Variants in NOX4 observed in about 807,000 individuals in gnomAD.
NOX4 encodes NADPH oxidase 4, also known as kidney oxidase-1.
A neutral mutation model predicts 87.6 loss-of-function variants in NOX4; 69 were observed. The observed-to-expected ratio is 0.79, with a 90% confidence interval of 0.65 to 0.96. NOX4 has a LOEUF of 0.96. Among genes scored for constraint, NOX4 ranks in the 40% least tolerant of loss-of-function variants. The probability of loss-of-function intolerance (pLI) is 0.00; values close to 1 mark genes in which losing one functional copy is unlikely to be tolerated. For synonymous variants in NOX4, 275 were observed against 238.2 expected, an observed-to-expected ratio of 1.15 and a Z score of -1.42; for missense variants, 680 against 681.5, an observed-to-expected ratio of 1.00 and a Z score of 0.02.
At chr11:89,491,521 C>T (rs1946857459), upstream of NOX4, 3 of 455,372 alleles carry the variant, frequency 6.6e-6, no homozygotes, top group East Asian at 1.1e-4. Flanking sequence ...GCGCGCGGCC[C>T]AGGCTGCACC....
chr11:89,447,998 G>T (rs1020400964), intron 4 of NOX4, among the ~76,000 whole-genome samples: 1 of 152,120 alleles, frequency 6.6e-6, no homozygotes, highest in East Asian at 1.9e-4. Context: ...GGCAATAGCT[G>T]TATCAAAACA....
the NOX4 span, among the ~76,000 whole-genome samples, chr11:89,525,458 T>A: frequency 6.6e-6 from 1 of 152,070 alleles, no homozygotes; most frequent in East Asian, 1.9e-4. Flanking sequence ...ATGCAATGTA[T>A]CTCATTTGCA....
chr11:89,418,516 A>C, intron 8 of NOX4, among the ~76,000 whole-genome samples: 1 of 150,976 alleles, frequency 6.6e-6, no homozygotes, highest in Non-Finnish European at 1.5e-5. Context: ...GTAAAAGAGA[A>C]GCATTCAATT....
chr11:89,428,608 C>G (rs375274606), intron 7 of NOX4, among the ~76,000 whole-genome samples: 26 of 151,712 alleles, frequency 1.7e-4, no homozygotes, highest in Admixed American at 3.3e-4. Context: ...AAGATCAAAA[C>G]AGACAAAGAA....
At chr11:89,383,409 C>T (rs529794845) in intron 11 of NOX4, among the ~76,000 whole-genome samples, 1 of 152,314 alleles carries the variant, frequency 6.6e-6, no homozygotes, top group South Asian at 2.1e-4. Context: ...TGGCCCAAGG[C>T]CCTCTGACTG....
intron 11 of NOX4, among the ~76,000 whole-genome samples, chr11:89,376,878 T>C (rs553855169): frequency 6.6e-5 from 10 of 151,862 alleles, no homozygotes; most frequent in African/African-American, 2.2e-4. Flanking sequence ...CGAGACTCCA[T>C]CTCAAAAAAT....
At chr11:89,341,271 C>G (rs1286288236) in intron 14 of NOX4, among the ~76,000 whole-genome samples, 1 of 151,290 alleles carries the variant, frequency 6.6e-6, no homozygotes, top group Non-Finnish European at 1.5e-5. Context: ...TACAGGCATG[C>G]AAAACCACGC....
chr11:89,542,554 C>G, the NOX4 span, among the ~76,000 whole-genome samples: 1 of 152,146 alleles, frequency 6.6e-6, no homozygotes, highest in East Asian at 1.9e-4. Flanking sequence ...CAGATTCTGT[C>G]CGGAATACAA....
At chr11:89,339,700 G>T (rs1166541385) in intron 15 of NOX4, among the ~76,000 whole-genome samples, 2 of 152,100 alleles carry the variant, frequency 1.3e-5, no homozygotes, top group African/African-American at 4.8e-5. Context: ...AGGATGGAAG[G>T]TGTTACAGCA....
chr11:89,466,590 G>A (rs889212961), intron 2 of NOX4, among the ~76,000 whole-genome samples: 7 of 152,136 alleles, frequency 4.6e-5, no homozygotes, highest in African/African-American at 1.4e-4. Context: ...CATATTTATT[G>A]TAATCGGCAC....
intron 12 of NOX4, among the ~76,000 whole-genome samples, chr11:89,368,728 T>G (rs1313102942): frequency 5.3e-5 from 8 of 152,054 alleles, no homozygotes; most frequent in African/African-American, 1.4e-4. Context: ...ATTCACACCA[T>G]GGGAATGATG....
chr11:89,473,552 T>C (rs1946038671), intron 2 of NOX4, among the ~76,000 whole-genome samples: 3 of 152,112 alleles, frequency 2.0e-5, no homozygotes, highest in Admixed American at 2.0e-4. Context: ...TGATATATAT[T>C]AAAACTCATA....
intron 11 of NOX4, among the ~76,000 whole-genome samples, chr11:89,392,630 C>A (rs1279516115): frequency 6.6e-6 from 1 of 152,000 alleles, no homozygotes; most frequent in Non-Finnish European, 1.5e-5. Context: ...TATTGATGAA[C>A]GTGTTAGAGT....
rs1332348150 is a variant in NOX4 at position 89,332,664 on chromosome 11, G to C, written c.1616+3181C>G. On this transcript the variant is annotated intron_variant, in intron 17 of 17. Transcript: ENST00000263317. The stretch of plus-strand genomic sequence containing the variant: ...CTACCTCCCATCTAAGGGGAACATG[G>C]TAAAATAAGATTGCCACTCTTTATC... Among the ~76,000 whole-genome samples the C allele has an allele frequency of 4.6e-5, 7 of 151,890 alleles. No individual in the cohort carries two copies. The South Asian group carries it at 6.2e-4, about 13-fold the overall frequency.
At chr11:89,474,376 G>T (rs769254922) in intron 2 of NOX4, among the ~76,000 whole-genome samples, 15 of 138,876 alleles carry the variant, frequency 1.1e-4, no homozygotes, top group Non-Finnish European at 1.8e-4. Flanking sequence ...TCTTTAAAAA[G>T]TAAAATGACA....
In NOX4 at chr11:89,449,357, C is replaced by T. The variant is rs557435645; in HGVS notation, c.349+83G>A. The T allele has an allele frequency of 4.7e-5, 48 of 1,027,856 alleles. No individual in the cohort carries two copies. The African/African-American group carries it at 7.5e-4, about 16-fold the overall frequency. 63.7% of individuals were successfully genotyped at this position (1,027,856 alleles called of 1,614,324 possible). ...AGAATAAGATTAGGGAAAACTTTCT[C>T]TGATCATTCTGTGTATGTCTGGAAT... is the stretch of plus-strand genomic sequence containing the variant. On this transcript the variant is annotated intron_variant, in intron 4 of 17. Coordinates refer to ENST00000263317, the MANE Select transcript of NOX4 (RefSeq NM_016931.5).
At chr11:89,567,360 G>T in the NOX4 span, among the ~76,000 whole-genome samples, 1 of 152,116 alleles carries the variant, frequency 6.6e-6, no homozygotes, top group African/African-American at 2.4e-5. Flanking sequence ...CCTGCCTATG[G>T]CCTCTTCCTA....
the NOX4 span, among the ~76,000 whole-genome samples, chr11:89,519,696 G>A: frequency 6.6e-6 from 1 of 152,028 alleles, no homozygotes; most frequent in Admixed American, 6.6e-5. Flanking sequence ...TTAAAATCCT[G>A]CAGTGAAGAA....
intron 12 of NOX4, among the ~76,000 whole-genome samples, chr11:89,368,964 CTTACTT>C (rs1483754611): frequency 3.3e-5 from 5 of 152,046 alleles, no homozygotes; most frequent in Admixed American, 6.6e-5. Flanking sequence ...AAAATACTCT[CTTACTT>C]TTATTATCTC....
Sources: allele counts gnomAD v4.1 joint callset (sites outside exome capture counted in the v4.1 genomes callset), GRCh38; gene constraint gnomAD v4.1.1; transcripts MANE v1.5; gene names NCBI Gene and HGNC (gene_info 2026-07-23, HGNC 2026-07-21).